TACR3: variants seen among roughly 807,000 people sequenced by gnomAD.
The protein encoded by TACR3 is tachykinin receptor 3.
Under a neutral mutation model 35.0 loss-of-function variants are expected in TACR3, and 34 were observed. That is an observed-to-expected ratio of 0.97 (90% confidence interval 0.74 to 1.30). The LOEUF is 1.30. Among genes scored for constraint, TACR3 ranks in the 50% most tolerant of loss-of-function variants. The pLI is 0.00. For synonymous variants in TACR3, 233 were observed against 221.1 expected (o/e 1.05, Z -0.48); for missense variants, 558 against 591.7 (o/e 0.94, Z 0.59).
rs562477079 is a variant in TACR3 at position 103,628,399 on chromosome 4, T to G, written c.888+27795A>C. ...ATCAACAAAATTGATGATAGACTGC[T>G]AGCAAGACTAATAAAGAAGAAAAGG... is the stretch of plus-strand genomic sequence containing the variant. On this transcript the variant is annotated intron_variant, in intron 3 of 4. Coordinates refer to ENST00000304883, the MANE Select transcript of TACR3 (RefSeq NM_001059.3). Among the ~76,000 whole-genome samples the G allele has an allele frequency of 9.2e-5, 14 of 152,100 alleles. No homozygotes were observed. In the South Asian group the frequency reaches 1.7e-3, roughly 18 times the overall value.
intron 1 of TACR3, among the ~76,000 whole-genome samples, chr4:103,708,471 A>G (rs1360594107): frequency 1.3e-5 from 2 of 152,230 alleles, no homozygotes; most frequent in Non-Finnish European, 2.9e-5. Flanking sequence ...AAAACTAACA[A>G]ATAGAAAGGA....
chr4:103,633,429 C>T (rs1337862131), intron 3 of TACR3, among the ~76,000 whole-genome samples: 1 of 151,810 alleles, frequency 6.6e-6, no homozygotes, highest in Non-Finnish European at 1.5e-5. Flanking sequence ...TTTTATTTTT[C>T]CATAAGTTAT....
chr4:103,690,644 A>G (rs1004184134), intron 1 of TACR3, among the ~76,000 whole-genome samples: 1 of 152,156 alleles, frequency 6.6e-6, no homozygotes, highest in Non-Finnish European at 1.5e-5. Context: ...TGTAATTTAT[A>G]GAATACTCAA....
chr4:103,615,188 G>A (rs916500272), intron 3 of TACR3, among the ~76,000 whole-genome samples: 2 of 151,984 alleles, frequency 1.3e-5, no homozygotes, highest in Non-Finnish European at 2.9e-5. Flanking sequence ...GAGCCACCGC[G>A]CCCGTCCTAT....
chr4:103,710,903 A>G (rs1176194105), intron 1 of TACR3, among the ~76,000 whole-genome samples: 1 of 152,240 alleles, frequency 6.6e-6, no homozygotes, highest in African/African-American at 2.4e-5. Flanking sequence ...AGAAATGGAT[A>G]AATTCCTGGA....
rs375969345 is a variant in TACR3 at position 103,619,101 on chromosome 4, G to A, written c.889-27418C>T. ...TTCATTTCTTTCTCTGAAAGTTGCTGAAAGTGTTTATCAATTTTAGGAGTC... is the reference window on the plus strand; with the variant it reads ...TTCATTTCTTTCTCTGAAAGTTGCTAAAAGTGTTTATCAATTTTAGGAGTC... On this transcript the variant is annotated intron_variant, in intron 3 of 4. Coordinates refer to ENST00000304883, the MANE Select transcript of TACR3 (RefSeq NM_001059.3). 2.0e-4 allele frequency among the ~76,000 whole-genome samples: 30 copies of A among 151,630 alleles called. 1 individual carries two copies. In the South Asian group the frequency reaches 6.0e-3, roughly 30 times the overall value.
At chr4:103,717,491 G>A (rs1036347912) in intron 1 of TACR3, among the ~76,000 whole-genome samples, 5 of 152,032 alleles carry the variant, frequency 3.3e-5, no homozygotes, top group African/African-American at 4.8e-5. Flanking sequence ...TCCCATAAAT[G>A]TTGGCAGGAA....
At chr4:103,698,282 T>C (rs1722568918) in intron 1 of TACR3, among the ~76,000 whole-genome samples, 1 of 152,140 alleles carries the variant, frequency 6.6e-6, no homozygotes, top group Non-Finnish European at 1.5e-5. Context: ...TTTAAAAATT[T>C]ACTTCATTTA....
At chr4:103,681,572 A>T (rs1722090337) in intron 1 of TACR3, among the ~76,000 whole-genome samples, 1 of 152,150 alleles carries the variant, frequency 6.6e-6, no homozygotes, top group African/African-American at 2.4e-5. Context: ...AGAAGACGAA[A>T]TAATCCTAAA....
intron 3 of TACR3, among the ~76,000 whole-genome samples, chr4:103,653,739 C>G (rs1725671951): frequency 6.6e-6 from 1 of 151,918 alleles, no homozygotes; most frequent in Non-Finnish European, 1.5e-5. Flanking sequence ...GCAAAAGAAA[C>G]TACCATCAGA....
At chr4:103,698,426 T>A (rs370461159) in intron 1 of TACR3, among the ~76,000 whole-genome samples, 7 of 149,188 alleles carry the variant, frequency 4.7e-5, no homozygotes, top group African/African-American at 1.8e-4. Flanking sequence ...TTTTTCTCCA[T>A]TGATGGTTCA....
At chr4:103,655,181 T>C (rs1725705828) in intron 3 of TACR3, among the ~76,000 whole-genome samples, 1 of 152,166 alleles carries the variant, frequency 6.6e-6, no homozygotes, top group Admixed American at 6.6e-5. Flanking sequence ...GTATTATTTG[T>C]CAATATCAGA....
intron 3 of TACR3, among the ~76,000 whole-genome samples, chr4:103,634,343 G>C (rs768579783): frequency 6.6e-6 from 1 of 151,954 alleles, no homozygotes; most frequent in Non-Finnish European, 1.5e-5. Context: ...TTCTCTTCTC[G>C]TCTGACTTGG....
At chr4:103,603,241 G>A (rs1301082584) in intron 3 of TACR3, among the ~76,000 whole-genome samples, 1 of 152,218 alleles carries the variant, frequency 6.6e-6, no homozygotes, top group Non-Finnish European at 1.5e-5. Context: ...TAAGCCCATT[G>A]GAAAAGCGAA....
intron 3 of TACR3, among the ~76,000 whole-genome samples, chr4:103,608,603 T>C (rs1246842993): frequency 6.6e-6 from 1 of 152,092 alleles, no homozygotes; most frequent in African/African-American, 2.4e-5. Context: ...GGGACATAGA[T>C]TGGAAGCTGG....
intron 3 of TACR3, among the ~76,000 whole-genome samples, chr4:103,604,469 T>C (rs1724298398): frequency 6.6e-6 from 1 of 152,030 alleles, no homozygotes; most frequent in Non-Finnish European, 1.5e-5. Context: ...CCATTCAGGA[T>C]GTAGACATGA....
rs746506217 is a variant in TACR3 at position 103,719,554 on chromosome 4, C to T, written c.122G>A (p.Trp41Ter). Residue 41 changes from tryptophan to a stop codon, truncating the protein, a stop_gained, in exon 1 of 5, where the codon TGG becomes TAG. Transcript: ENST00000304883. LOFTEE classifies it high-confidence loss of function. ...GCCAGCTTGGTCCAGCAGTTGCAGCCACCCAGTCTCAACTGCCCCCGTGGC... is the reference window on the plus strand; with the variant it reads ...GCCAGCTTGGTCCAGCAGTTGCAGCTACCCAGTCTCAACTGCCCCCGTGGC... ...GAATGAVETG[W>*]LQLLDQAGNL... 6.2e-7 allele frequency: 1 copy of T among 1,608,028 alleles called. No individual in the cohort carries two copies. The highest frequency in any genetic ancestry group is 1.3e-5 in the African/African-American group (1 of 74,948).
chr4:103,689,059 C>T (rs1722329497), intron 1 of TACR3, among the ~76,000 whole-genome samples: 1 of 151,456 alleles, frequency 6.6e-6, no homozygotes, highest in African/African-American at 2.4e-5. Flanking sequence ...CCATGGAATA[C>T]TATGCAGCCA....
At chr4:103,597,083 G>T (rs1271345886) in intron 3 of TACR3, among the ~76,000 whole-genome samples, 1 of 151,816 alleles carries the variant, frequency 6.6e-6, no homozygotes, top group Non-Finnish European at 1.5e-5. Flanking sequence ...CGTCTTTATA[G>T]CAGCATAATT....
Sources: allele counts gnomAD v4.1 joint callset (sites outside exome capture counted in the v4.1 genomes callset), GRCh38; gene constraint gnomAD v4.1.1; transcripts MANE v1.5; gene names NCBI Gene and HGNC (gene_info 2026-07-23, HGNC 2026-07-21).